Variants in CTNND2 observed in about 807,000 individuals in gnomAD.
CTNND2 encodes the protein catenin delta-2.
A neutral mutation model predicts 144.4 loss-of-function variants in CTNND2; 22 were observed. The ratio of observed to expected loss-of-function variants is 0.15; its 90% CI spans 0.11 to 0.22. CTNND2 has a LOEUF of 0.22. Among genes scored for constraint, CTNND2 ranks in the 10% least tolerant of loss-of-function variants. The pLI is 1.00. For synonymous variants in CTNND2, 751 were observed against 695.6 expected, an observed-to-expected ratio of 1.08 and a Z score of -1.25; for missense variants, 1,353 against 1,618.8, an observed-to-expected ratio of 0.84 and a Z score of 2.82.
intron 8 of CTNND2, among the ~76,000 whole-genome samples, chr5:11,347,118 T>C (rs1200716962): frequency 6.6e-6 from 1 of 151,916 alleles, no homozygotes; most frequent in East Asian, 1.9e-4. Context: ...TGAGAGGGAG[T>C]GTATGCATGG....
intron 3 of CTNND2, among the ~76,000 whole-genome samples, chr5:11,517,543 C>T (rs533082714): frequency 2.6e-5 from 4 of 151,488 alleles, no homozygotes; most frequent in East Asian, 3.9e-4. Flanking sequence ...AAATGACCAC[C>T]GCAAACTAAT....
chr5:11,662,024 CAT>C (rs1337589074), intron 2 of CTNND2, among the ~76,000 whole-genome samples: 4 of 150,242 alleles, frequency 2.7e-5, no homozygotes, highest in African/African-American at 4.9e-5. Flanking sequence ...TACACACACA[CAT>C]ATATACACAC....
chr5:11,370,016 CA>C (rs1757322085), intron 7 of CTNND2, among the ~76,000 whole-genome samples: 2 of 152,242 alleles, frequency 1.3e-5, no homozygotes, highest in Admixed American at 6.5e-5. Context: ...TTTACGAGTT[CA>C]TACTACAATT....
intron 9 of CTNND2, among the ~76,000 whole-genome samples, chr5:11,300,875 A>G (rs1749529014): frequency 6.6e-6 from 1 of 152,174 alleles, no homozygotes; most frequent in Non-Finnish European, 1.5e-5. Context: ...TGTCTTCAGA[A>G]CACGGGCCTG....
intron 3 of CTNND2, among the ~76,000 whole-genome samples, chr5:11,478,328 G>A (rs1767950126): frequency 6.6e-6 from 1 of 152,118 alleles, no homozygotes; most frequent in Non-Finnish European, 1.5e-5. Flanking sequence ...TTGTAATACA[G>A]CTGATTGAAT....
At chr5:11,266,374 T>C (rs1260203698) in intron 9 of CTNND2, among the ~76,000 whole-genome samples, 2 of 152,208 alleles carry the variant, frequency 1.3e-5, no homozygotes, top group African/African-American at 4.8e-5. Context: ...GGAATTAACT[T>C]CACAAATATA....
chr5:11,229,747 CAT>C (rs1263883661), intron 10 of CTNND2, among the ~76,000 whole-genome samples: 1 of 149,602 alleles, frequency 6.7e-6, no homozygotes, highest in Non-Finnish European at 1.5e-5. Flanking sequence ...CACATATATA[CAT>C]ATATATACTG....
At chr5:11,047,172 T>C (rs1745346782) in intron 16 of CTNND2, among the ~76,000 whole-genome samples, 1 of 152,140 alleles carries the variant, frequency 6.6e-6, no homozygotes, top group Non-Finnish European at 1.5e-5. Flanking sequence ...CTCTTCATCT[T>C]GGAAATGAAA....
chr5:11,758,969 T>C (rs1789102932), intron 1 of CTNND2, among the ~76,000 whole-genome samples: 1 of 152,030 alleles, frequency 6.6e-6, no homozygotes, highest in African/African-American at 2.4e-5. Context: ...ATTTAGTTGT[T>C]AGAAAATCAG....
chr5:11,059,910 T>C (rs1289941030), intron 16 of CTNND2, among the ~76,000 whole-genome samples: 2 of 152,188 alleles, frequency 1.3e-5, no homozygotes, highest in Non-Finnish European at 2.9e-5. Context: ...TCATACCATA[T>C]TTATATAAAA....
chr5:11,563,277 C>T (rs1776818580), intron 3 of CTNND2, among the ~76,000 whole-genome samples: 1 of 152,086 alleles, frequency 6.6e-6, no homozygotes, highest in Admixed American at 6.5e-5. Context: ...GGTAAACAGA[C>T]CAATAGTGAA....
chr5:11,349,548 A>G (rs1300756008), intron 8 of CTNND2, among the ~76,000 whole-genome samples: 1 of 152,220 alleles, frequency 6.6e-6, no homozygotes, highest in African/African-American at 2.4e-5. Flanking sequence ...GGGCAGGTTT[A>G]AAACCTCAAA....
intron 3 of CTNND2, among the ~76,000 whole-genome samples, chr5:11,512,161 A>G (rs1416459306): frequency 5.3e-5 from 8 of 152,288 alleles, no homozygotes; most frequent in African/African-American, 1.9e-4. Context: ...GAAGAACAAC[A>G]CAGTGTTTGC....
In CTNND2 at chr5:11,236,826, G is replaced by A. The variant is rs776627681; in HGVS notation, c.1629-3C>T. 6.2e-7 allele frequency: 1 copy of A among 1,613,888 alleles called. No individual in the cohort carries two copies. Among genetic ancestry groups the A allele is most frequent in the Non-Finnish European group, 8.5e-7 (1 of 1,179,926 alleles). On this transcript the variant is annotated splice_polypyrimidine_tract_variant and splice_region_variant and intron_variant, in intron 9 of 21. Coordinates refer to ENST00000304623, the MANE Select transcript of CTNND2 (RefSeq NM_001332.4). ...CCGGGTCTCTCCATCCAAATTCTCTGAACAAAAGGAAAGAAGCGGGGAGAA... is the reference window on the plus strand; with the variant it reads ...CCGGGTCTCTCCATCCAAATTCTCTAAACAAAAGGAAAGAAGCGGGGAGAA...
At position 11,168,879 on chromosome 5, in the gene CTNND2, T is replaced by TA. The variant is rs1330483098; in HGVS notation, c.1976-9121dup. Among the ~76,000 whole-genome samples the TA allele has an allele frequency of 7.2e-5, 11 of 151,856 alleles. No individual in the cohort carries two copies. In the East Asian group the frequency reaches 2.1e-3, roughly 29 times the overall value. On this transcript the variant is annotated intron_variant, in intron 11 of 21. Coordinates refer to ENST00000304623, the MANE Select transcript of CTNND2 (RefSeq NM_001332.4). Reference sequence around the variant, plus strand: ...AGACAAAATACCCCCACTATCTGATTAAAAAAAAGTAAATGCAGGAGGTGA... The same window carrying TA: ...AGACAAAATACCCCCACTATCTGATTAAAAAAAAAGTAAATGCAGGAGGTGA...
At chr5:11,166,121 T>C (rs992557863) in intron 11 of CTNND2, among the ~76,000 whole-genome samples, 5 of 152,164 alleles carry the variant, frequency 3.3e-5, no homozygotes, top group African/African-American at 7.2e-5. Context: ...AATTAGTGAA[T>C]TAAGGCATCT....
At chr5:11,748,185 A>AAAGAACAAAT (rs6148910) in intron 1 of CTNND2, among the ~76,000 whole-genome samples, 114 of 152,104 alleles carry the variant, frequency 7.5e-4, no homozygotes, top group Middle Eastern at 3.4e-3. Flanking sequence ...TGCTGACCTT[A>AAAGAACAAAT]AGAAAACAAA....
chr5:11,090,010 A>T (rs183005349), intron 15 of CTNND2, among the ~76,000 whole-genome samples: 1 of 152,272 alleles, frequency 6.6e-6, no homozygotes, highest in Non-Finnish European at 1.5e-5. Flanking sequence ...CTCTGTCTCA[A>T]AAAAAATAAA....
At chr5:11,279,781 A>G (rs115810659) in intron 9 of CTNND2, among the ~76,000 whole-genome samples, 3,841 of 152,214 alleles carry the variant, frequency 0.025, 87 homozygotes, top group South Asian at 0.039. Context: ...GTGAAGTGGG[A>G]GCAGACACAT....
Sources: allele counts gnomAD v4.1 joint callset (sites outside exome capture counted in the v4.1 genomes callset), GRCh38; gene constraint gnomAD v4.1.1; transcripts MANE v1.5; gene names NCBI Gene and HGNC (gene_info 2026-07-23, HGNC 2026-07-21).